The following TNKS2 variants were observed in gnomAD, a reference collection of about 807,000 sequenced individuals.
TNKS2 encodes tankyrase 2, also known as poly [ADP-ribose] polymerase tankyrase-2.
Under a neutral mutation model 137.6 loss-of-function variants are expected in TNKS2, and 72 were observed. The ratio of observed to expected loss-of-function variants is 0.52; its 90% CI spans 0.43 to 0.64. The LOEUF (loss-of-function observed/expected upper bound fraction) is 0.64, where lower values mean the gene tolerates loss of function less well. Ranked by LOEUF, TNKS2 falls within the 30% of genes least tolerant of loss-of-function variation. The pLI is 0.00. For synonymous variants in TNKS2, 516 were observed against 512.1 expected (o/e 1.01, Z -0.10); for missense variants, 1,049 against 1,410.2 (o/e 0.74, Z 4.10).
At chr10:91,834,141 C>G (rs2086716521) in intron 12 of TNKS2, 117 bp downstream of exon 12, 1 of 742,752 alleles carries the variant, frequency 1.3e-6, no homozygotes, top group Admixed American at 3.5e-5. Flanking sequence ...TTGTTTATTT[C>G]TTCTTAGGTT....
rs528451067 is a variant in TNKS2 at position 91,819,391 on chromosome 10, T to C, written c.557+85T>C. Reference sequence around the variant, plus strand: ...TTTTTTTTTTACAGTAAGCAAACTTTAAAAAGAATTTTTTTTTAATGGTTA... The same window carrying C: ...TTTTTTTTTTACAGTAAGCAAACTTCAAAAAGAATTTTTTTTTAATGGTTA... On this transcript the variant is annotated intron_variant, in intron 4 of 26. Coordinates refer to ENST00000371627, the MANE Select transcript of TNKS2 (RefSeq NM_025235.4). 9.6e-5 allele frequency: 137 copies of C among 1,421,694 alleles called. 3 individuals are homozygous for C. In the South Asian group the frequency reaches 1.7e-3, roughly 18 times the overall value. 88.1% of individuals were successfully genotyped at this position (1,421,694 alleles called of 1,614,324 possible).
At position 91,819,488 on chromosome 10, in the gene TNKS2, C is replaced by T. The variant is rs138819481; in HGVS notation, c.564C>T (p.Gly188=). Residue 188 remains glycine (G), a synonymous_variant, in exon 5 of 27, where the codon GGC becomes GGT. Transcript: ENST00000371627. The part of the protein sequence containing the change: ...KDELLESARS[G]NEEKMMALLT... ...TACTTTTTTTGTATTCTAGGAGTGG[C>T]AATGAAGAAAAAATGATGGCTCTAC... 3.8e-6 allele frequency: 6 copies of T among 1,581,526 alleles called. No homozygotes were observed. Among genetic ancestry groups the T allele is most frequent in the Non-Finnish European group, 5.1e-6 (6 of 1,169,120 alleles).
chr10:91,801,284 T>A (rs1232674624), intron 1 of TNKS2, among the ~76,000 whole-genome samples: 1 of 152,234 alleles, frequency 6.6e-6, no homozygotes, highest in Non-Finnish European at 1.5e-5. Context: ...ATGAAGAAGA[T>A]AGTCAACATA....
chr10:91,807,599 C>T (rs1844367613), intron 1 of TNKS2, among the ~76,000 whole-genome samples: 1 of 152,230 alleles, frequency 6.6e-6, no homozygotes. Flanking sequence ...TACCTTAATT[C>T]AGCAAATGTC....
chr10:91,805,053 A>G (rs1036017792), intron 1 of TNKS2, among the ~76,000 whole-genome samples: 2 of 151,690 alleles, frequency 1.3e-5, no homozygotes, highest in African/African-American at 4.8e-5. Context: ...TGTGAGCCAC[A>G]GTGCCCAGCC....
chr10:91,804,639 A>G (rs542442759), intron 1 of TNKS2, among the ~76,000 whole-genome samples: 30 of 152,362 alleles, frequency 2.0e-4, no homozygotes, highest in Admixed American at 1.6e-3. Flanking sequence ...TATACCCTGC[A>G]GAGCATTTTT....
At chr10:91,809,882 T>C (rs1196105249) in intron 1 of TNKS2, among the ~76,000 whole-genome samples, 1 of 152,178 alleles carries the variant, frequency 6.6e-6, no homozygotes, top group Admixed American at 6.5e-5. Context: ...GTAGCAGTAT[T>C]TTTCAAACTG....
intron 7 of TNKS2, among the ~76,000 whole-genome samples, chr10:91,823,636 C>G (rs556262835): frequency 1.3e-5 from 2 of 152,166 alleles, no homozygotes; most frequent in East Asian, 3.9e-4. Context: ...TCCAAAACTT[C>G]CCATTTTGAT....
intron 11 of TNKS2, among the ~76,000 whole-genome samples, chr10:91,832,785 G>T (rs1043415347): frequency 1.3e-5 from 2 of 150,370 alleles, no homozygotes; most frequent in Non-Finnish European, 1.5e-5. Context: ...GATAACGTTG[G>T]TGGAGTCTTA....
At chr10:91,809,913 A>G (rs1564603751) in intron 1 of TNKS2, among the ~76,000 whole-genome samples, 2 of 152,124 alleles carry the variant, frequency 1.3e-5, no homozygotes, top group African/African-American at 4.8e-5. Context: ...GTGCTCAGGG[A>G]TACAGGAATA....
intron 14 of TNKS2, 53 bp downstream of exon 14, chr10:91,840,759 T>G: frequency 6.6e-7 from 1 of 1,513,634 alleles, no homozygotes; most frequent in Non-Finnish European, 8.9e-7. Flanking sequence ...CTTGACCTTT[T>G]TAGGAAAACC....
chr10:91,810,897 C>CTTTTCTTTCTT (rs1303590431), intron 1 of TNKS2, among the ~76,000 whole-genome samples: 2 of 117,632 alleles, frequency 1.7e-5, no homozygotes, highest in Admixed American at 1.8e-4. Context: ...TTTCTTTTTT[C>CTTTTCTTTCTT]TTTTCTTTCT....
At chr10:91,844,100 C>A (rs1476113014) in intron 16 of TNKS2, among the ~76,000 whole-genome samples, 2 of 152,176 alleles carry the variant, frequency 1.3e-5, no homozygotes, top group Admixed American at 1.3e-4. Context: ...GCTTTTATAT[C>A]TTTCTTGTAG....
intron 1 of TNKS2, among the ~76,000 whole-genome samples, chr10:91,804,015 A>G (rs1844252723): frequency 6.6e-6 from 1 of 152,104 alleles, no homozygotes; most frequent in Non-Finnish European, 1.5e-5. Context: ...AACCATTCAG[A>G]TGAAAGCATG....
chr10:91,837,014 A>G lies in TNKS2; in HGVS notation c.1527+16A>G. The G allele has an allele frequency of 6.2e-7, 1 of 1,609,512 alleles. No individual in the cohort carries two copies. The highest frequency in any genetic ancestry group is 8.5e-7 in the Non-Finnish European group (1 of 1,178,176). On this transcript the variant is annotated intron_variant, in intron 13 of 26. Coordinates refer to ENST00000371627, the MANE Select transcript of TNKS2 (RefSeq NM_025235.4). ...AACTGTAAAAGTAAGATACAGTGTTACGTTTCTGTTAACTTTGGGTTTTTA... is the reference window on the plus strand; with the variant it reads ...AACTGTAAAAGTAAGATACAGTGTTGCGTTTCTGTTAACTTTGGGTTTTTA...
rs537404692 is a variant in TNKS2 at position 91,847,189 on chromosome 10, A to G, written c.2359-1194A>G. ...GGGAATGCATAGACTGGGGGAAGAG[A>G]AAGGTGATGACTGGAATAGTCAGAA... On this transcript the variant is annotated intron_variant, in intron 18 of 26. Transcript: ENST00000371627. 1.3e-4 allele frequency among the ~76,000 whole-genome samples: 20 copies of G among 152,300 alleles called. No homozygotes were observed. The East Asian group carries it at 2.5e-3, about 19-fold the overall frequency.
chr10:91,813,180 A>G lies in TNKS2; in HGVS notation c.397A>G (p.Ile133Val), dbSNP rs1425852916. The change falls in exon 2 of 27, where the codon ATT becomes GTT. Residue 133 changes from isoleucine (I) to valine (V), a missense_variant. Around this residue, in one of 6 missense-constraint regions of TNKS2, gnomAD observed 374 missense variants for 460.8 expected, o/e 0.81. Transcript: ENST00000371627. ...WNYTPLHEAA[I>V]KGKIDVCIVL... ...TTATACTCCTCTCCATGAAGCTGCA[A>G]TTAAAGGAAAGATTGATGTTTGCAT... 6.2e-7 allele frequency: 1 copy of G among 1,614,148 alleles called. No homozygotes were observed. Among genetic ancestry groups the G allele is most frequent in the Admixed American group, 1.7e-5 (1 of 60,012 alleles).
chr10:91,819,876 C>T, intron 5 of TNKS2, 63 bp from the exon 6 acceptor site: 1 of 1,309,480 alleles, frequency 7.6e-7, no homozygotes, highest in East Asian at 2.5e-5. Flanking sequence ...GGGTTTTTTC[C>T]CTCTCACACA....
chr10:91,832,219 T>G (rs1339633021), intron 11 of TNKS2, among the ~76,000 whole-genome samples: 2 of 152,200 alleles, frequency 1.3e-5, no homozygotes, highest in African/African-American at 2.4e-5. Flanking sequence ...ATCTTGTCTC[T>G]CTGTTCTATA....
Sources: allele counts gnomAD v4.1 joint callset (sites outside exome capture counted in the v4.1 genomes callset), GRCh38; gene constraint gnomAD v4.1.1; regional missense constraint gnomAD v4.1.1; transcripts MANE v1.5; gene names NCBI Gene and HGNC (gene_info 2026-07-23, HGNC 2026-07-21).